Variants in CD109 observed in about 807,000 individuals in gnomAD.
The protein encoded by CD109 is CD109 molecule.
A neutral mutation model predicts 165.8 loss-of-function variants in CD109; 149 were observed. That is an observed-to-expected ratio of 0.90 (90% CI 0.79 to 1.03). CD109 has a LOEUF of 1.03. Among genes scored for constraint, CD109 ranks in the 50% least tolerant of loss-of-function variants. CD109 has a pLI of 0.00. For synonymous variants in CD109, 585 were observed against 592.1 expected, an observed-to-expected ratio of 0.99 and a Z score of 0.18; for missense variants, 1,712 against 1,677.8, an observed-to-expected ratio of 1.02 and a Z score of -0.36.
intron 2 of CD109, among the ~76,000 whole-genome samples, chr6:73,722,985 A>G (rs2150169481): frequency 1.3e-5 from 2 of 152,358 alleles, no homozygotes; most frequent in South Asian, 4.1e-4. Context: ...GACAACAAAA[A>G]TGATAATGGC....
chr6:73,730,610 G>T, intron 4 of CD109, 36 bp downstream of exon 4: 1 of 1,379,864 alleles, frequency 7.2e-7, no homozygotes. Context: ...AGGAATTCTA[G>T]CCATCTTACT....
chr6:73,806,154 C>G (rs1775553870), intron 24 of CD109, among the ~76,000 whole-genome samples: 1 of 152,102 alleles, frequency 6.6e-6, no homozygotes, highest in Non-Finnish European at 1.5e-5. Flanking sequence ...AAATGTGGCA[C>G]ATATACACCA....
At chr6:73,788,140 A>G (rs1774765940) in intron 21 of CD109, among the ~76,000 whole-genome samples, 1 of 152,210 alleles carries the variant, frequency 6.6e-6, no homozygotes, top group African/African-American at 2.4e-5. Context: ...AATGGTGCCT[A>G]TTAAGTGTAA....
chr6:73,734,024 T>C (rs1772459714), intron 4 of CD109, among the ~76,000 whole-genome samples: 1 of 152,216 alleles, frequency 6.6e-6, no homozygotes, highest in Non-Finnish European at 1.5e-5. Context: ...ACGGGGGTAT[T>C]GCTCATACTG....
At chr6:73,719,357 A>G (rs1771862751) in intron 2 of CD109, among the ~76,000 whole-genome samples, 1 of 152,238 alleles carries the variant, frequency 6.6e-6, no homozygotes, top group Non-Finnish European at 1.5e-5. Context: ...TTTAGCCTAT[A>G]CATGCTAGAT....
chr6:73,733,456 C>T lies in CD109; in HGVS notation c.507+2882C>T, dbSNP rs146956635. Among the ~76,000 whole-genome samples, 289 of 152,326 alleles carry T rather than the reference C, an allele frequency of 1.9e-3. 1 individual carries two copies. Among genetic ancestry groups the T allele is most frequent in the African/African-American group, 6.7e-3 (277 of 41,568 alleles). On this transcript the variant is annotated intron_variant, in intron 4 of 32. Transcript: ENST00000287097. ...TGCATGCCCCAATAACTGGTCTTCT[C>T]AGGAGGGAAAGGAGCTTCGAGGCCT...
rs368704934 is a variant in CD109, at chr6:73,725,979, A to G, written c.276+2700A>G. ...GTATCTCTTTTTAGTAAAGCACAGT[A>G]TGAAAGACTTAGAAATAAAGTGTAT... On this transcript the variant is annotated intron_variant, in intron 3 of 32. Transcript: ENST00000287097. 2.6e-5 allele frequency among the ~76,000 whole-genome samples: 4 copies of G among 152,360 alleles called. No individual in the cohort carries two copies. The Middle Eastern group carries it at 0.014, about 518-fold the overall frequency.
Position 73,697,418 on chromosome 6 carries a change from AGCC to A in CD109, c.94_96del (p.Ala32del). On this transcript the variant is annotated inframe_deletion, in exon 2 of 33. Transcript: ENST00000287097. ...TCTTTAGGCCTCGGTTTCTGGTGAC[AGCC>A]CCAGGGATCATCAGGCCCGGAGGAA... 1 of 1,614,014 alleles carries A rather than the reference AGCC, an allele frequency of 6.2e-7. No homozygotes were observed. The highest frequency in any genetic ancestry group is 8.5e-7 in the Non-Finnish European group (1 of 1,179,968).
intron 21 of CD109, 59 bp from the exon 22 acceptor site, chr6:73,788,408 AT>A: frequency 4.0e-6 from 6 of 1,506,118 alleles, no homozygotes; most frequent in Non-Finnish European, 5.4e-6. Flanking sequence ...ATATCTGCGT[AT>A]AGTTCTCTGT....
intron 26 of CD109, 59 bp downstream of exon 26, chr6:73,808,307 G>GA: frequency 6.5e-7 from 1 of 1,533,650 alleles, no homozygotes; most frequent in Non-Finnish European, 8.8e-7. Flanking sequence ...ACTTACATGA[G>GA]AAAAATTTTT....
chr6:73,695,696 G>A (rs1434410673), upstream of CD109: 1 of 154,576 alleles, frequency 6.5e-6, no homozygotes, highest in Non-Finnish European at 1.4e-5. Context: ...GCGTGTGCGT[G>A]CGTGTGTGTG....
chr6:73,810,896 G>C, intron 27 of CD109, 96 bp from the exon 28 acceptor site: 1 of 1,191,746 alleles, frequency 8.4e-7, no homozygotes, highest in Non-Finnish European at 1.2e-6. Context: ...TCTGAAGGAA[G>C]GTGTATGAAT....
chr6:73,797,886 G>T (rs1337610535), intron 23 of CD109, among the ~76,000 whole-genome samples: 1 of 152,102 alleles, frequency 6.6e-6, no homozygotes, highest in Non-Finnish European at 1.5e-5. Flanking sequence ...ATTTTCAGAA[G>T]TCTATGAAAG....
At chr6:73,743,707 G>A (rs931129869) in intron 5 of CD109, among the ~76,000 whole-genome samples, 6 of 151,824 alleles carry the variant, frequency 4.0e-5, no homozygotes, top group East Asian at 2.0e-4. Flanking sequence ...TGCTTAACCC[G>A]CCTGGCTTGT....
chr6:73,769,121 C>CTCAG (rs1387988990), intron 14 of CD109, among the ~76,000 whole-genome samples: 1 of 152,106 alleles, frequency 6.6e-6, no homozygotes, highest in East Asian at 1.9e-4. Flanking sequence ...AACTCCTGGG[C>CTCAG]TCAGGAGATC....
At chr6:73,728,595 A>T (rs1164985119) in intron 3 of CD109, among the ~76,000 whole-genome samples, 2 of 152,188 alleles carry the variant, frequency 1.3e-5, no homozygotes, top group Admixed American at 1.3e-4. Context: ...TTTCCAAGTA[A>T]ATTGCAGACA....
rs1475686373 is a variant in CD109, at chr6:73,696,261, T to A, written c.46T>A (p.Cys16Ser). Residue 16 changes from cysteine to serine, a missense_variant, in exon 1 of 33, where the codon TGC becomes AGC. Cys to Ser is a moderately radical substitution (Grantham distance 112). Transcript: ENST00000287097. The stretch of plus-strand genomic sequence containing the variant: ...GACCGCCGCCCACCTCCTCTGCGTG[T>A]GCACCGCCGCGCTGGCCGTGGCTCC... ...LLTAAHLLCV[C>S]TAALAVAPGP... 2.0e-6 allele frequency: 3 copies of A among 1,535,792 alleles called. No homozygotes were observed. Among genetic ancestry groups the A allele is most frequent in the Non-Finnish European group, 2.6e-6 (3 of 1,146,340 alleles).
At chr6:73,699,922 T>C (rs1317733217) in intron 2 of CD109, among the ~76,000 whole-genome samples, 1 of 152,250 alleles carries the variant, frequency 6.6e-6, no homozygotes, top group Admixed American at 6.5e-5. Flanking sequence ...CACTTCTCCC[T>C]GCTTGTCTTC....
At position 73,787,423 on chromosome 6, in the gene CD109, G is replaced by A; in HGVS notation, c.2527G>A (p.Asp843Asn). The A allele has an allele frequency of 6.2e-7, 1 of 1,613,516 alleles. No individual in the cohort carries two copies. The highest frequency in any genetic ancestry group is 1.7e-5 in the Admixed American group (1 of 60,006). Residue 843 changes from aspartate (D) to asparagine (N), a missense_variant, in exon 21 of 33, where the codon GAT becomes AAT. Coordinates refer to ENST00000287097, the MANE Select transcript of CD109 (RefSeq NM_133493.5). ...TVTALSPTASDAVTQMILVKA... is the reference protein window; with the variant it reads ...TVTALSPTASNAVTQMILVKA... ...CACAGCTCTTTCACCCACTGCTTCTGATGCTGTCACCCAGATGATTTTAGT... is the reference window on the plus strand; with the variant it reads ...CACAGCTCTTTCACCCACTGCTTCTAATGCTGTCACCCAGATGATTTTAGT...
Sources: gnomAD v4.1 joint callset for allele counts (sites outside exome capture counted in the v4.1 genomes callset) on GRCh38, gnomAD v4.1.1 for gene constraint, MANE v1.5 for transcripts, NCBI Gene and HGNC (gene_info 2026-07-23, HGNC 2026-07-21) for gene names.